The following OPCML variants were observed in gnomAD, a reference collection of about 807,000 sequenced individuals.
OPCML encodes opioid-binding protein/cell adhesion molecule.
Under a neutral mutation model 37.8 loss-of-function variants are expected in OPCML, and 13 were observed. The ratio of observed to expected loss-of-function variants is 0.34; its 90% CI spans 0.22 to 0.55. The LOEUF is 0.55. OPCML is among the 20% of genes least tolerant of loss of function. The pLI is 0.91. For missense variants in OPCML, 341 were observed against 435.6 expected (o/e 0.78, Z 1.93); for synonymous variants, 176 against 168.8 (o/e 1.04, Z -0.33).
chr11:132,442,973 A>T (rs1168235132), intron 4 of OPCML, among the ~76,000 whole-genome samples: 1 of 152,178 alleles, frequency 6.6e-6, no homozygotes, highest in Non-Finnish European at 1.5e-5. Context: ...TGCAAAAACA[A>T]AACAAAACAA....
chr11:133,094,221 A>C (rs568612914), intron 1 of OPCML, among the ~76,000 whole-genome samples: 1 of 152,366 alleles, frequency 6.6e-6, no homozygotes, highest in African/African-American at 2.4e-5. Context: ...TTTAAATAAA[A>C]AAATGGTATA....
chr11:133,103,155 G>A (rs56114686), intron 1 of OPCML, among the ~76,000 whole-genome samples: 2,927 of 152,266 alleles, frequency 0.019, 51 homozygotes, highest in Middle Eastern at 0.031. Flanking sequence ...CTTTGAGACA[G>A]ACATTTTTAA....
intron 3 of OPCML, among the ~76,000 whole-genome samples, chr11:132,617,196 T>G (rs1421187208): frequency 6.6e-6 from 1 of 152,238 alleles, no homozygotes; most frequent in Non-Finnish European, 1.5e-5. Flanking sequence ...CTTTCTTGAA[T>G]GTCAATTGTA....
intron 2 of OPCML, among the ~76,000 whole-genome samples, chr11:132,746,495 G>A (rs1377291058): frequency 6.6e-6 from 1 of 151,936 alleles, no homozygotes; most frequent in Non-Finnish European, 1.5e-5. Flanking sequence ...GTTTGCTCAG[G>A]GTCACTCAGC....
At chr11:133,271,572 C>G (rs1941834402) in intron 1 of OPCML, among the ~76,000 whole-genome samples, 1 of 152,160 alleles carries the variant, frequency 6.6e-6, no homozygotes, top group Non-Finnish European at 1.5e-5. Flanking sequence ...TAAACACATG[C>G]ATTGTTTCAC....
At chr11:133,179,400 GT>G (rs1488825509) in intron 1 of OPCML, among the ~76,000 whole-genome samples, 2 of 152,026 alleles carry the variant, frequency 1.3e-5, no homozygotes, top group Non-Finnish European at 2.9e-5. Flanking sequence ...GGGACAAAGT[GT>G]TTTCTCCAGC....
intron 1 of OPCML, among the ~76,000 whole-genome samples, chr11:133,469,066 C>T (rs1947042099): frequency 6.6e-6 from 1 of 152,122 alleles, no homozygotes; most frequent in Non-Finnish European, 1.5e-5. Flanking sequence ...CACATTCTCT[C>T]CCAATAGAGA....
intron 2 of OPCML, among the ~76,000 whole-genome samples, chr11:132,733,712 G>T (rs78516425): frequency 0.054 from 8,230 of 152,200 alleles, 641 homozygotes; most frequent in African/African-American, 0.17. Flanking sequence ...TTGATCCACC[G>T]TGGTAAGTGT....
intron 2 of OPCML, among the ~76,000 whole-genome samples, chr11:132,898,988 A>C (rs539223777): frequency 6.6e-6 from 1 of 152,300 alleles, no homozygotes; most frequent in Admixed American, 6.5e-5. Flanking sequence ...CCTGGAATAC[A>C]GGAGATCCCT....
chr11:133,520,926 A>C (rs1948383959), intron 1 of OPCML, among the ~76,000 whole-genome samples: 1 of 152,194 alleles, frequency 6.6e-6, no homozygotes, highest in Admixed American at 6.5e-5. Context: ...ACATTGACTC[A>C]TGCCTGGGAA....
chr11:133,440,411 AAAAG>A (rs1319251666), intron 1 of OPCML, among the ~76,000 whole-genome samples: 3 of 149,410 alleles, frequency 2.0e-5, no homozygotes, highest in Admixed American at 6.6e-5. Context: ...AAAAAAAAAA[AAAAG>A]AAAGAAAGAA....
At chr11:132,769,692 G>A (rs570555848) in intron 2 of OPCML, among the ~76,000 whole-genome samples, 11 of 152,246 alleles carry the variant, frequency 7.2e-5, no homozygotes, top group South Asian at 6.2e-4. Flanking sequence ...CCACAGACAC[G>A]CATGTGGGAG....
chr11:133,082,532 C>T (rs1287391026), intron 1 of OPCML, among the ~76,000 whole-genome samples: 1 of 140,470 alleles, frequency 7.1e-6, no homozygotes, highest in Admixed American at 7.0e-5. Flanking sequence ...CTCCCCTCCT[C>T]ATCCTCTCCT....
chr11:132,426,419 G>A (rs2136678453), intron 7 of OPCML, among the ~76,000 whole-genome samples: 2 of 152,206 alleles, frequency 1.3e-5, no homozygotes, highest in East Asian at 3.9e-4. Flanking sequence ...CTAGGTTTGT[G>A]CAAAAGTCAT....
At chr11:132,736,811 C>G (rs572379173) in intron 2 of OPCML, among the ~76,000 whole-genome samples, 1 of 152,278 alleles carries the variant, frequency 6.6e-6, no homozygotes, top group East Asian at 1.9e-4. Flanking sequence ...TGACTACAAC[C>G]TCCTGAGACT....
chr11:132,557,827 C>A (rs1448866086), intron 3 of OPCML, among the ~76,000 whole-genome samples: 1 of 152,018 alleles, frequency 6.6e-6, no homozygotes, highest in Non-Finnish European at 1.5e-5. Context: ...GGATGGGCAC[C>A]AGGAGAGTCA....
chr11:132,921,220 G>A (rs1451614388), intron 2 of OPCML, among the ~76,000 whole-genome samples: 1 of 152,172 alleles, frequency 6.6e-6, no homozygotes, highest in Non-Finnish European at 1.5e-5. Context: ...GATTGCTGCA[G>A]ACATCATGGG....
chr11:132,501,777 G>T (rs1011769455), intron 4 of OPCML, among the ~76,000 whole-genome samples: 5 of 152,176 alleles, frequency 3.3e-5, no homozygotes, highest in African/African-American at 1.2e-4. Context: ...AAGATACAGG[G>T]TAAATGATTT....
intron 1 of OPCML, among the ~76,000 whole-genome samples, chr11:133,344,098 G>T (rs1315914357): frequency 6.6e-6 from 1 of 152,196 alleles, no homozygotes; most frequent in Non-Finnish European, 1.5e-5. Context: ...GTGGTGTAGG[G>T]TGAGTGCCCT....
Sources: allele counts gnomAD v4.1 joint callset (sites outside exome capture counted in the v4.1 genomes callset), GRCh38; gene constraint gnomAD v4.1.1; transcripts MANE v1.5; gene names NCBI Gene and HGNC (gene_info 2026-07-23, HGNC 2026-07-21).